The following NOL10 variants were observed in gnomAD, a reference collection of about 807,000 sequenced individuals.
NOL10 encodes the protein H_NH0074G24.1.
A neutral mutation model predicts 103.5 loss-of-function variants in NOL10; 58 were observed. The ratio of observed to expected loss-of-function variants is 0.56; its 90% CI spans 0.45 to 0.70. The LOEUF is 0.70. Among genes scored for constraint, NOL10 ranks in the 30% least tolerant of loss-of-function variants. The pLI, the probability that NOL10 is intolerant of heterozygous loss-of-function variation, is 0.00. For synonymous variants in NOL10, 287 were observed against 282.5 expected, an observed-to-expected ratio of 1.02 and a Z score of -0.16; for missense variants, 763 against 807.3, an observed-to-expected ratio of 0.95 and a Z score of 0.67.
At chr2:10,598,526 G>A (rs1465037346) in intron 17 of NOL10, among the ~76,000 whole-genome samples, 2 of 152,198 alleles carry the variant, frequency 1.3e-5, no homozygotes, top group African/African-American at 4.8e-5. Context: ...ACCACGTAAT[G>A]GTGAACCTCT....
chr2:10,636,412 C>T (rs1410690862), intron 13 of NOL10, among the ~76,000 whole-genome samples: 1 of 13,234 alleles, frequency 7.6e-5, no homozygotes, highest in African/African-American at 3.4e-4. Context: ...CCTGTCTCTA[C>T]AAAAAACCAA....
At chr2:10,678,411 A>G (rs937701729) in intron 3 of NOL10, among the ~76,000 whole-genome samples, 1 of 142,584 alleles carries the variant, frequency 7.0e-6, no homozygotes, top group African/African-American at 2.6e-5. Flanking sequence ...CCACTAGGGG[A>G]AAAAAGTGGT....
chr2:10,579,031 G>A (rs1038075849), intron 19 of NOL10, among the ~76,000 whole-genome samples: 1 of 152,114 alleles, frequency 6.6e-6, no homozygotes, highest in Non-Finnish European at 1.5e-5. Flanking sequence ...TATGATCTTT[G>A]TAACTAATTA....
intron 19 of NOL10, 149 bp downstream of exon 19, chr2:10,588,894 G>A (rs998104500): frequency 3.8e-5 from 45 of 1,189,490 alleles, no homozygotes; most frequent in Middle Eastern, 5.6e-4. Context: ...CCTCCTGCAC[G>A]GCCTTACCTC....
intron 14 of NOL10, chr2:10,604,891 T>C (rs1355095693): frequency 6.6e-6 from 1 of 152,194 alleles, no homozygotes; most frequent in South Asian, 2.1e-4. Flanking sequence ...GTTTGGAGAT[T>C]TACAATGTAT....
At position 10,659,340 on chromosome 2, in the gene NOL10, A is replaced by AT. The variant is rs1275162862; in HGVS notation, c.678-91dup. On this transcript the variant is annotated intron_variant, in intron 9 of 20. Coordinates refer to ENST00000381685, the MANE Select transcript of NOL10 (RefSeq NM_024894.4). Reference sequence around the variant, plus strand: ...ATTATTAGTCTTCACTTCAAATCTAATGGGGGGGGGGGGGAGGAATCACAT... The same window carrying AT: ...ATTATTAGTCTTCACTTCAAATCTAATTGGGGGGGGGGGGGAGGAATCACAT... The AT allele has an allele frequency of 1.0e-3, 141 of 138,564 alleles. 4 individuals carry two copies. The highest frequency in any genetic ancestry group is 1.7e-3 in the Non-Finnish European group (101 of 58,752). 8.6% of individuals were successfully genotyped at this position (138,564 alleles called of 1,614,324 possible). A position where few individuals can be genotyped will look rare whatever the true frequency, so the allele number is the denominator to read the frequency against.
At chr2:10,674,361 T>C (rs921049053) in intron 4 of NOL10, among the ~76,000 whole-genome samples, 3 of 152,160 alleles carry the variant, frequency 2.0e-5, no homozygotes, top group Admixed American at 1.3e-4. Context: ...ACTTGAACTT[T>C]CCCATTTTAA....
intron 3 of NOL10, among the ~76,000 whole-genome samples, chr2:10,679,617 T>C (rs2148358536): frequency 7.0e-6 from 1 of 143,372 alleles, no homozygotes; most frequent in South Asian, 2.1e-4. Context: ...TCTTTCTCTC[T>C]CTTTCTCTCT....
rs114514455 is a variant in NOL10, at chr2:10,620,293, T to C, written c.1027-12982A>G. Among the ~76,000 whole-genome samples, 400 of 152,194 alleles carry C rather than the reference T, an allele frequency of 2.6e-3. 5 individuals carry two copies. The highest frequency in any genetic ancestry group is 9.2e-3 in the African/African-American group (384 of 41,524). The stretch of plus-strand genomic sequence containing the variant: ...TCTATGTAAAAACTAAGGGTACCGA[T>C]ATATGTAAAAATACCCAGGGGGGGA... On this transcript the variant is annotated intron_variant, in intron 13 of 20. Transcript: ENST00000381685.
rs1281577607 is a variant in NOL10, at chr2:10,668,725, T to G, written c.465-2A>C. ...AAGTTTAACCTATAAACTTCAGAACTGTAAAGTAATAAAGAAAGTTAAAAA... is the reference window on the plus strand; with the variant it reads ...AAGTTTAACCTATAAACTTCAGAACGGTAAAGTAATAAAGAAAGTTAAAAA... On this transcript the variant is annotated splice_acceptor_variant, in intron 6 of 20. Coordinates refer to ENST00000381685, the MANE Select transcript of NOL10 (RefSeq NM_024894.4). LOFTEE classifies it high-confidence loss of function. 2 of 1,432,396 alleles carry G rather than the reference T, an allele frequency of 1.4e-6. No homozygotes were observed. Among genetic ancestry groups the G allele is most frequent in the East Asian group, 2.4e-5 (1 of 41,240 alleles). 88.7% of individuals were successfully genotyped at this position (1,432,396 alleles called of 1,614,324 possible).
At chr2:10,686,830 T>C (rs1373311118) in intron 1 of NOL10, among the ~76,000 whole-genome samples, 1 of 150,984 alleles carries the variant, frequency 6.6e-6, no homozygotes, top group Non-Finnish European at 1.5e-5. Context: ...GGAAGACCAC[T>C]AGGTTGCAGG....
At chr2:10,676,571 G>C (rs897625520) in intron 3 of NOL10, among the ~76,000 whole-genome samples, 1 of 151,858 alleles carries the variant, frequency 6.6e-6, no homozygotes, top group Non-Finnish European at 1.5e-5. Flanking sequence ...ACAGGTGAGT[G>C]CTGGAGAATG....
chr2:10,619,636 A>G (rs561068394), intron 13 of NOL10, among the ~76,000 whole-genome samples: 1 of 97,534 alleles, frequency 1.0e-5, no homozygotes, highest in Non-Finnish European at 2.0e-5. Context: ...ATGACATGTT[A>G]AATAGCATAA....
At chr2:10,686,022 A>G (rs1682176072) in intron 1 of NOL10, among the ~76,000 whole-genome samples, 1 of 149,810 alleles carries the variant, frequency 6.7e-6, no homozygotes, top group Non-Finnish European at 1.5e-5. Context: ...TGATTGTGCC[A>G]CTGCACTCCA....
chr2:10,652,778 A>G (rs966899234), intron 12 of NOL10, among the ~76,000 whole-genome samples: 11 of 152,038 alleles, frequency 7.2e-5, no homozygotes, highest in South Asian at 2.1e-4. Flanking sequence ...AAAACTTTCT[A>G]TCTACAGACC....
At chr2:10,650,502 T>A (rs981444304) in intron 12 of NOL10, among the ~76,000 whole-genome samples, 1 of 152,200 alleles carries the variant, frequency 6.6e-6, no homozygotes. Flanking sequence ...TTGGGCGTTT[T>A]TCCCAGAGAG....
intron 12 of NOL10, 74 bp downstream of exon 12, chr2:10,654,407 T>A: frequency 9.4e-7 from 1 of 1,058,532 alleles, no homozygotes; most frequent in Non-Finnish European, 1.4e-6. Context: ...GCCTTTTTAT[T>A]TGTCTCACTG....
intron 20 of NOL10, among the ~76,000 whole-genome samples, chr2:10,574,092 A>AAT: frequency 2.0e-5 from 3 of 152,248 alleles, no homozygotes; most frequent in Non-Finnish European, 4.4e-5. Context: ...TTCTAATGAT[A>AAT]TAATTAGAGG....
At chr2:10,634,612 T>A (rs2148253324) in intron 13 of NOL10, 1 of 456,566 alleles carries the variant, frequency 2.2e-6, no homozygotes, top group South Asian at 1.5e-5. Flanking sequence ...TAAAGCCTAG[T>A]TATATAAAGC....
Sources: allele counts gnomAD v4.1 joint callset (sites outside exome capture counted in the v4.1 genomes callset), GRCh38; gene constraint gnomAD v4.1.1; transcripts MANE v1.5; gene names NCBI Gene and HGNC (gene_info 2026-07-23, HGNC 2026-07-21).